The following ARHGAP26 variants were observed in gnomAD, a reference collection of about 807,000 sequenced individuals.
The protein encoded by ARHGAP26 is Rho GTPase activating protein 26.
Under a neutral mutation model 104.8 loss-of-function variants are expected in ARHGAP26, and 38 were observed. The observed-to-expected ratio is 0.36, with a 90% CI of 0.28 to 0.48. The LOEUF (loss-of-function observed/expected upper bound fraction) is 0.48, where lower values mean the gene tolerates loss of function less well. ARHGAP26 is among the 20% of genes least tolerant of loss of function. The pLI is 0.99. For missense variants in ARHGAP26, 704 were observed against 947.9 expected (o/e 0.74, Z 3.38); for synonymous variants, 341 against 340.0 (o/e 1.00, Z -0.03).
intron 17 of ARHGAP26, among the ~76,000 whole-genome samples, chr5:143,062,939 A>G (rs1786944249): frequency 1.3e-5 from 2 of 152,230 alleles, no homozygotes; most frequent in Non-Finnish European, 2.9e-5. Context: ...TTTACAAAAC[A>G]CATTTAAAGA....
intron 17 of ARHGAP26, among the ~76,000 whole-genome samples, chr5:143,074,645 A>G (rs1169900045): frequency 6.6e-6 from 1 of 152,210 alleles, no homozygotes; most frequent in Non-Finnish European, 1.5e-5. Context: ...TCGAGCTAGG[A>G]TGGCAGGTTG....
At chr5:142,866,192 T>G (rs532027195) in intron 1 of ARHGAP26, among the ~76,000 whole-genome samples, 14 of 152,352 alleles carry the variant, frequency 9.2e-5, no homozygotes, top group Admixed American at 2.6e-4. Context: ...CTAAAAATTG[T>G]ATTCCCCTTA....
intron 10 of ARHGAP26, among the ~76,000 whole-genome samples, chr5:142,930,049 T>TGAGTA (rs1455134857): frequency 6.6e-6 from 1 of 151,946 alleles, no homozygotes; most frequent in Non-Finnish European, 1.5e-5. Flanking sequence ...CAGTTCAGAT[T>TGAGTA]GAGTAGAGTG....
intron 17 of ARHGAP26, among the ~76,000 whole-genome samples, chr5:143,084,274 T>G (rs1790229768): frequency 3.9e-5 from 6 of 152,198 alleles, no homozygotes; most frequent in Admixed American, 3.3e-4. Flanking sequence ...CTATATGCTA[T>G]TAAAATAGAA....
chr5:143,103,570 TAA>T (rs60048104), intron 17 of ARHGAP26, among the ~76,000 whole-genome samples: 6 of 150,514 alleles, frequency 4.0e-5, no homozygotes, highest in South Asian at 2.1e-4. Flanking sequence ...TTAGACTGGA[TAA>T]AAAAAAAAAT....
intron 1 of ARHGAP26, among the ~76,000 whole-genome samples, chr5:142,819,749 A>T (rs909815029): frequency 6.6e-6 from 1 of 152,254 alleles, no homozygotes; most frequent in Non-Finnish European, 1.5e-5. Context: ...TTTCACAATC[A>T]TTACATAGAA....
intron 18 of ARHGAP26, among the ~76,000 whole-genome samples, chr5:143,133,672 GCTTT>G (rs1372235074): frequency 6.6e-6 from 1 of 152,206 alleles, no homozygotes; most frequent in Non-Finnish European, 1.5e-5. Flanking sequence ...GAGCACAGCT[GCTTT>G]CTTTTTCCCT....
chr5:143,214,125 G>T, intron 22 of ARHGAP26, 37 bp downstream of exon 22: 7 of 326,528 alleles, frequency 2.1e-5, no homozygotes, highest in East Asian at 7.1e-5. Context: ...TATGGGCGGG[G>T]GGCGGGGGCA....
At chr5:142,901,273 C>G (rs1258130275) in intron 6 of ARHGAP26, among the ~76,000 whole-genome samples, 3 of 152,108 alleles carry the variant, frequency 2.0e-5, no homozygotes, top group Non-Finnish European at 4.4e-5. Flanking sequence ...AACGGGCTTA[C>G]CTTTTAGCCT....
rs188632810 is a variant in ARHGAP26 at position 142,828,633 on chromosome 5, A to G, written c.155-44767A>G. On this transcript the variant is annotated intron_variant, in intron 1 of 22. Transcript: ENST00000645722. Reference sequence around the variant, plus strand: ...TGTCTTTGGAATAATTTAAGAAGAAAGGTTTTGCCCCCATGAGGCATCAAC... The same window carrying G: ...TGTCTTTGGAATAATTTAAGAAGAAGGGTTTTGCCCCCATGAGGCATCAAC... 3.3e-5 allele frequency among the ~76,000 whole-genome samples: 5 copies of G among 152,308 alleles called. No homozygotes were observed. The East Asian group carries it at 9.6e-4, about 29-fold the overall frequency.
At chr5:142,800,309 T>G (rs919673178) in intron 1 of ARHGAP26, among the ~76,000 whole-genome samples, 1 of 152,062 alleles carries the variant, frequency 6.6e-6, no homozygotes, top group African/African-American at 2.4e-5. Flanking sequence ...TCTCTGTCTC[T>G]GTCTGTCTCT....
Position 142,826,325 on chromosome 5 carries a change from C to T in ARHGAP26, c.155-47075C>T, listed in dbSNP as rs1043211042. ...AGACTCACATCCGGGGTGGAGGAGGCGCTGTACACAGTTAACTCATTTAAC... is the reference window on the plus strand; with the variant it reads ...AGACTCACATCCGGGGTGGAGGAGGTGCTGTACACAGTTAACTCATTTAAC... On this transcript the variant is annotated intron_variant, in intron 1 of 22. Transcript: ENST00000645722. Among the ~76,000 whole-genome samples the T allele has an allele frequency of 5.3e-5, 8 of 152,234 alleles. No homozygotes were observed. In the South Asian group the frequency reaches 6.2e-4, roughly 12 times the overall value.
chr5:142,811,597 G>A (rs1054590309), intron 1 of ARHGAP26, among the ~76,000 whole-genome samples: 2 of 152,158 alleles, frequency 1.3e-5, no homozygotes, highest in African/African-American at 4.8e-5. Flanking sequence ...CAATCTGAGG[G>A]ACAGAATCAT....
intron 3 of ARHGAP26, among the ~76,000 whole-genome samples, chr5:142,875,579 C>G (rs1297904274): frequency 6.6e-6 from 1 of 152,142 alleles, no homozygotes; most frequent in Non-Finnish European, 1.5e-5. Context: ...CTTCCCTCTT[C>G]ATTTTTAAGC....
At chr5:143,056,861 C>CTTA (rs1785899692) in intron 16 of ARHGAP26, among the ~76,000 whole-genome samples, 1 of 152,152 alleles carries the variant, frequency 6.6e-6, no homozygotes, top group Non-Finnish European at 1.5e-5. Context: ...TTCTGGTGTC[C>CTTA]TTATCTACTC....
rs1760657876 is a variant in ARHGAP26 at position 142,903,405 on chromosome 5, G to A, written c.703-135G>A. 3.8e-5 allele frequency: 33 copies of A among 862,852 alleles called. No individual in the cohort carries two copies. The South Asian group carries it at 5.7e-4, about 15-fold the overall frequency. 53.4% of individuals were successfully genotyped at this position (862,852 alleles called of 1,614,324 possible). A position where few individuals can be genotyped will look rare whatever the true frequency, so the allele number is the denominator to read the frequency against. ...AAGGCCAAAGTATACTTGTCATAAG[G>A]GAGTATTTGGCCAGTTCCTGGAAGG... On this transcript the variant is annotated intron_variant, in intron 7 of 22. Coordinates refer to ENST00000645722, the MANE Select transcript of ARHGAP26 (RefSeq NM_001135608.3).
chr5:143,162,520 C>T (rs745592789), intron 20 of ARHGAP26, among the ~76,000 whole-genome samples: 8 of 152,160 alleles, frequency 5.3e-5, no homozygotes, highest in Non-Finnish European at 8.8e-5. Flanking sequence ...TTAGTGATGG[C>T]CATGGCCAAG....
chr5:142,771,076 G>A (rs547359914), intron 1 of ARHGAP26, 161 bp downstream of exon 1: 529 of 1,370,546 alleles, frequency 3.9e-4, no homozygotes, highest in Non-Finnish European at 4.8e-4. Context: ...TAAAGCGGGC[G>A]AACCAGCAAC....
chr5:143,044,474 G>T (rs1043218750), intron 14 of ARHGAP26, among the ~76,000 whole-genome samples: 2 of 151,944 alleles, frequency 1.3e-5, no homozygotes, highest in Non-Finnish European at 1.5e-5. Flanking sequence ...GACTTTGCTT[G>T]GTCAGTATGG....
Sources: allele counts gnomAD v4.1 joint callset (sites outside exome capture counted in the v4.1 genomes callset), GRCh38; gene constraint gnomAD v4.1.1; transcripts MANE v1.5; gene names NCBI Gene and HGNC (gene_info 2026-07-23, HGNC 2026-07-21).